Variants in LMCD1 observed in about 807,000 individuals in gnomAD.
The protein encoded by LMCD1 is LIM and cysteine rich domains 1.
A neutral mutation model predicts 42.7 loss-of-function variants in LMCD1; 32 were observed. That is an observed-to-expected ratio of 0.75 (90% CI 0.57 to 1.01). The LOEUF (loss-of-function observed/expected upper bound fraction) is 1.01. Ranked by LOEUF, LMCD1 falls within the 50% of genes least tolerant of loss-of-function variation. LMCD1 has a pLI of 0.00. For synonymous variants in LMCD1, 178 were observed against 184.9 expected, an observed-to-expected ratio of 0.96 and a Z score of 0.30; for missense variants, 458 against 483.1, an observed-to-expected ratio of 0.95 and a Z score of 0.49.
chr3:8,553,950 G>C, intron 4 of LMCD1, among the ~76,000 whole-genome samples: 1 of 152,334 alleles, frequency 6.6e-6, no homozygotes, highest in South Asian at 2.1e-4. Context: ...CCATTGTGCG[G>C]GGATGGAGGG....
At chr3:8,541,583 A>G (rs1265651088) in intron 3 of LMCD1, among the ~76,000 whole-genome samples, 2 of 152,256 alleles carry the variant, frequency 1.3e-5, no homozygotes. Context: ...GTCCTTAGGA[A>G]AAACATAAAA....
chr3:8,527,517 C>G (rs146385101), intron 1 of LMCD1, among the ~76,000 whole-genome samples: 108 of 152,274 alleles, frequency 7.1e-4, no homozygotes, highest in African/African-American at 2.3e-3. Flanking sequence ...AATTCCAGTC[C>G]TTTCCTGGAC....
intron 4 of LMCD1, among the ~76,000 whole-genome samples, chr3:8,562,595 T>C (rs1695059430): frequency 6.6e-6 from 1 of 152,172 alleles, no homozygotes. Flanking sequence ...AGGATTGCTG[T>C]GAGATAAATA....
intron 1 of LMCD1, among the ~76,000 whole-genome samples, chr3:8,515,173 C>G (rs1159342719): frequency 6.6e-6 from 1 of 152,176 alleles, no homozygotes; most frequent in Non-Finnish European, 1.5e-5. Flanking sequence ...CAGGAGCTGC[C>G]ACCAGGACCC....
chr3:8,568,750 C>A lies in LMCD1; in HGVS notation c.*1152C>A, dbSNP rs1277812349. The stretch of plus-strand genomic sequence containing the variant: ...ACATTTTCAGCTCTTAAATTAATTT[C>A]TTTCCCACAGTTTCTAAGAAAAACA... On this transcript the variant is annotated 3_prime_UTR_variant, in exon 6 of 6. Transcript: ENST00000157600. 2 of 152,186 alleles carry A rather than the reference C, an allele frequency of 1.3e-5. No homozygotes were observed. The highest frequency in any genetic ancestry group is 2.4e-5 in the African/African-American group (1 of 41,460). 9.4% of individuals were successfully genotyped at this position (152,186 alleles called of 1,614,324 possible).
chr3:8,539,897 A>T (rs1694588100), intron 3 of LMCD1, among the ~76,000 whole-genome samples: 1 of 136,238 alleles, frequency 7.3e-6, no homozygotes, highest in Non-Finnish European at 1.7e-5. Context: ...ATATGTATAC[A>T]TGTGCCATGT....
chr3:8,517,919 G>A (rs1694128482), intron 1 of LMCD1, among the ~76,000 whole-genome samples: 1 of 152,104 alleles, frequency 6.6e-6, no homozygotes, highest in Non-Finnish European at 1.5e-5. Flanking sequence ...ATTCATGAAG[G>A]AGGAACATGA....
intron 1 of LMCD1, among the ~76,000 whole-genome samples, chr3:8,511,412 G>T (rs1163962143): frequency 6.6e-6 from 1 of 152,168 alleles, no homozygotes; most frequent in Non-Finnish European, 1.5e-5. Flanking sequence ...AAAATCTGAT[G>T]GTCTCAGAAA....
chr3:8,543,460 T>C (rs62242270), intron 3 of LMCD1, among the ~76,000 whole-genome samples: 1 of 149,422 alleles, frequency 6.7e-6, no homozygotes, highest in Non-Finnish European at 1.5e-5. Flanking sequence ...GACAGAGAGA[T>C]AGACAGACAG....
Position 8,566,817 on chromosome 3 carries a change from T to G in LMCD1, c.940-623T>G, listed in dbSNP as rs111675853. On this transcript the variant is annotated intron_variant, in intron 5 of 5. Coordinates refer to ENST00000157600, the MANE Select transcript of LMCD1 (RefSeq NM_014583.4). ...TGGTCATTTGGCAATCATAGAACCTTGTGGGATGGAAAGTATTTATATCCC... is the reference window on the plus strand; with the variant it reads ...TGGTCATTTGGCAATCATAGAACCTGGTGGGATGGAAAGTATTTATATCCC... Among the ~76,000 whole-genome samples the G allele has an allele frequency of 6.8e-3, 1,034 of 152,338 alleles. 8 individuals carry two copies. Among genetic ancestry groups the G allele is most frequent in the Middle Eastern group, 0.031 (9 of 294 alleles).
intron 1 of LMCD1, among the ~76,000 whole-genome samples, chr3:8,527,787 T>C (rs1386833511): frequency 6.6e-6 from 1 of 152,218 alleles, no homozygotes; most frequent in African/African-American, 2.4e-5. Context: ...TTCAAAAAGA[T>C]AGAATCACAA....
In LMCD1 at chr3:8,537,397, C is replaced by G; in HGVS notation, c.344C>G (p.Thr115Ser). The G allele has an allele frequency of 6.2e-7, 1 of 1,608,874 alleles. No individual in the cohort carries two copies. The highest frequency in any genetic ancestry group is 1.3e-5 in the African/African-American group (1 of 74,952). The change falls in exon 3 of 6, where the codon ACC (threonine) becomes AGC (serine). Residue 115 changes from threonine (T) to serine (S), a missense_variant. Transcript: ENST00000157600. Reference protein sequence around the residue: ...IATGKDPTFDTITYEWAPPGV... With the variant: ...IATGKDPTFDSITYEWAPPGV... ...ACTGGGAAAGATCCCACTTTTGACA[C>G]CATCACCTACGAGTGGGCTCCCCCT...
intron 3 of LMCD1, among the ~76,000 whole-genome samples, chr3:8,544,620 C>T (rs1003248133): frequency 4.6e-5 from 7 of 152,218 alleles, no homozygotes; most frequent in Non-Finnish European, 7.4e-5. Context: ...ACTTGTACTC[C>T]CCCACCCCAC....
chr3:8,560,001 G>C (rs1409499824), intron 4 of LMCD1, among the ~76,000 whole-genome samples: 3 of 152,218 alleles, frequency 2.0e-5, no homozygotes, highest in Non-Finnish European at 4.4e-5. Flanking sequence ...CGGATGAGAA[G>C]GTTGCAAACA....
At chr3:8,559,655 A>G (rs1045577327) in intron 4 of LMCD1, among the ~76,000 whole-genome samples, 2 of 152,226 alleles carry the variant, frequency 1.3e-5, no homozygotes, top group Admixed American at 1.3e-4. Context: ...ATGAGACCCA[A>G]GTAGGCTGGC....
chr3:8,501,839 C>G lies in LMCD1; in HGVS notation c.-100C>G. On this transcript the variant is annotated 5_prime_UTR_variant, in exon 1 of 6. Coordinates refer to ENST00000157600, the MANE Select transcript of LMCD1 (RefSeq NM_014583.4). ...CCTGGCTGCGCACAGAGCTCCCTCC[C>G]AGGCCCGCGAACTTGGCCATTCAGC... 1 of 1,057,752 alleles carries G rather than the reference C, an allele frequency of 9.5e-7. No homozygotes were observed. Among genetic ancestry groups the G allele is most frequent in the Non-Finnish European group, 1.4e-6 (1 of 718,842 alleles). 65.5% of individuals were successfully genotyped at this position (1,057,752 alleles called of 1,614,324 possible).
intron 1 of LMCD1, among the ~76,000 whole-genome samples, chr3:8,526,623 C>G (rs1475015020): frequency 1.3e-5 from 2 of 152,162 alleles, no homozygotes; most frequent in African/African-American, 4.8e-5. Context: ...GCCCCACCTG[C>G]AGAATGTTTG....
chr3:8,559,915 A>G (rs912855383), intron 4 of LMCD1, among the ~76,000 whole-genome samples: 7 of 152,246 alleles, frequency 4.6e-5, no homozygotes, highest in Non-Finnish European at 4.4e-5. Context: ...AAACCAGTCC[A>G]AGAGCCAGGG....
intron 1 of LMCD1, among the ~76,000 whole-genome samples, chr3:8,527,001 A>G (rs1340943548): frequency 6.6e-6 from 1 of 152,194 alleles, no homozygotes; most frequent in East Asian, 1.9e-4. Context: ...GAAACAGTAA[A>G]TAATATGGAA....
Sources: allele counts gnomAD v4.1 joint callset (sites outside exome capture counted in the v4.1 genomes callset), GRCh38; gene constraint gnomAD v4.1.1; transcripts MANE v1.5; gene names NCBI Gene and HGNC (gene_info 2026-07-23, HGNC 2026-07-21).